TBL1XR1: variants seen among roughly 807,000 people sequenced by gnomAD.
The protein encoded by TBL1XR1 is TBL1X/Y related 1, also known as F-box-like/WD repeat-containing protein TBL1XR1.
Under a neutral mutation model 66.9 loss-of-function variants are expected in TBL1XR1, and 5 were observed. The ratio of observed to expected loss-of-function variants is 0.07; its 90% CI spans 0.04 to 0.16. TBL1XR1 has a LOEUF of 0.16. Ranked by LOEUF, TBL1XR1 falls within the 10% of genes least tolerant of loss-of-function variation. TBL1XR1 has a pLI of 1.00. For missense variants in TBL1XR1, 238 were observed against 623.2 expected, an observed-to-expected ratio of 0.38 and a Z score of 6.58; for synonymous variants, 210 against 206.0, an observed-to-expected ratio of 1.02 and a Z score of -0.17.
At chr3:177,071,751 G>C (rs1720045501) in intron 2 of TBL1XR1, among the ~76,000 whole-genome samples, 2 of 152,118 alleles carry the variant, frequency 1.3e-5, no homozygotes, top group Non-Finnish European at 2.9e-5. Flanking sequence ...CCAGCTACTA[G>C]TAAACCCAGA....
At chr3:177,054,147 A>T (rs1281548112) in intron 3 of TBL1XR1, among the ~76,000 whole-genome samples, 1 of 152,066 alleles carries the variant, frequency 6.6e-6, no homozygotes, top group Non-Finnish European at 1.5e-5. Context: ...ACTCTTTAAA[A>T]TTTCTAGTAA....
intron 1 of TBL1XR1, among the ~76,000 whole-genome samples, chr3:177,168,358 T>C (rs1300996361): frequency 2.6e-5 from 4 of 151,904 alleles, no homozygotes; most frequent in Admixed American, 1.3e-4. Context: ...CTCGGCTCAC[T>C]GCAACCTCCG....
chr3:177,133,747 CAA>C (rs1219499848), intron 1 of TBL1XR1, among the ~76,000 whole-genome samples: 7 of 151,570 alleles, frequency 4.6e-5, no homozygotes, highest in Non-Finnish European at 1.0e-4. Context: ...GCTAAAAATA[CAA>C]AAATTAGCTG....
At chr3:177,044,489 T>C (rs1408813254) in intron 10 of TBL1XR1, among the ~76,000 whole-genome samples, 1 of 152,144 alleles carries the variant, frequency 6.6e-6, no homozygotes, top group African/African-American at 2.4e-5. Context: ...AATCATACAA[T>C]GTAATCTAAT....
At chr3:177,084,600 C>A (rs1721896668) in intron 2 of TBL1XR1, among the ~76,000 whole-genome samples, 1 of 152,242 alleles carries the variant, frequency 6.6e-6, no homozygotes. Context: ...GGGTCAACCC[C>A]ATATTTTAGG....
At chr3:177,190,297 A>C (rs1243224965) in intron 1 of TBL1XR1, among the ~76,000 whole-genome samples, 1 of 152,138 alleles carries the variant, frequency 6.6e-6, no homozygotes, top group Non-Finnish European at 1.5e-5. Context: ...CCAGAATTAA[A>C]AGGGCAAAAC....
rs77709343 is a variant in TBL1XR1 at position 177,033,245 on chromosome 3, A to G, written c.1251-109T>C. 2,575 of 896,140 alleles carry G rather than the reference A, an allele frequency of 2.9e-3. 42 individuals are homozygous for G. The African/African-American group carries it at 0.037, about 13-fold the overall frequency. The allele number at this position is 896,140 out of a possible 1,614,324, so 55.5% of individuals were successfully genotyped here. ...CCAAATCTAATAGCCAAAATTCTTT[A>G]TGAGAAGCAGACCGACTGGACTGTT... On this transcript the variant is annotated intron_variant, in intron 13 of 15. Transcript: ENST00000457928.
intron 1 of TBL1XR1, among the ~76,000 whole-genome samples, chr3:177,184,818 A>T (rs1735222500): frequency 6.6e-6 from 1 of 151,754 alleles, no homozygotes; most frequent in South Asian, 2.1e-4. Flanking sequence ...AAAAAAAATC[A>T]TCACTGATTC....
chr3:177,067,086 G>A (rs557361765), intron 2 of TBL1XR1, among the ~76,000 whole-genome samples: 2 of 152,216 alleles, frequency 1.3e-5, no homozygotes, highest in South Asian at 4.1e-4. Flanking sequence ...CTCAACTTTA[G>A]CCTAACCACC....
chr3:177,128,664 G>A (rs55937580), intron 1 of TBL1XR1, among the ~76,000 whole-genome samples: 60,334 of 152,004 alleles, frequency 0.4, 12,147 homozygotes, highest in Middle Eastern at 0.48. Context: ...GTGAGCCACC[G>A]TGCCCAGCCT....
At chr3:177,089,057 T>C (rs1722506871) in intron 2 of TBL1XR1, among the ~76,000 whole-genome samples, 1 of 152,208 alleles carries the variant, frequency 6.6e-6, no homozygotes, top group African/African-American at 2.4e-5. Context: ...CACAACTCCT[T>C]GGGGTCTTGT....
intron 1 of TBL1XR1, among the ~76,000 whole-genome samples, chr3:177,196,787 G>A (rs975758471): frequency 2.0e-5 from 3 of 151,926 alleles, no homozygotes; most frequent in African/African-American, 7.3e-5. Context: ...ACGAAGGGAG[G>A]AAGAGGGGGA....
At chr3:177,094,891 G>GCAC (rs1455320933) in intron 2 of TBL1XR1, among the ~76,000 whole-genome samples, 1 of 151,864 alleles carries the variant, frequency 6.6e-6, no homozygotes, top group African/African-American at 2.4e-5. Flanking sequence ...GGTGATGAGT[G>GCAC]CACCAAAATC....
intron 3 of TBL1XR1, among the ~76,000 whole-genome samples, chr3:177,062,329 T>C (rs926245664): frequency 7.9e-5 from 12 of 152,236 alleles, no homozygotes; most frequent in African/African-American, 2.9e-4. Context: ...CAAGTTCTAA[T>C]TGTCCTACAA....
At chr3:177,152,791 C>A (rs1317958091) in intron 1 of TBL1XR1, among the ~76,000 whole-genome samples, 2 of 152,110 alleles carry the variant, frequency 1.3e-5, no homozygotes, top group Non-Finnish European at 2.9e-5. Context: ...CTTATTATTG[C>A]TTCTATCTCC....
At chr3:177,190,313 A>C (rs1577442614) in intron 1 of TBL1XR1, among the ~76,000 whole-genome samples, 3 of 152,018 alleles carry the variant, frequency 2.0e-5, no homozygotes, top group African/African-American at 4.8e-5. Flanking sequence ...AAAACCATCC[A>C]TTTTCTTTTT....
intron 1 of TBL1XR1, among the ~76,000 whole-genome samples, chr3:177,178,865 C>A (rs187216111): frequency 0.011 from 1,685 of 151,700 alleles, 21 homozygotes; most frequent in Middle Eastern, 0.031. Flanking sequence ...CGCCTGTAAC[C>A]CCAGCACTTT....
At chr3:177,045,768 G>A (rs760343362) in intron 10 of TBL1XR1, among the ~76,000 whole-genome samples, 1 of 152,018 alleles carries the variant, frequency 6.6e-6, no homozygotes, top group Non-Finnish European at 1.5e-5. Flanking sequence ...TTTACAGACA[G>A]TGAAAAGGAG....
chr3:177,153,319 A>C (rs897202504), intron 1 of TBL1XR1, among the ~76,000 whole-genome samples: 1 of 152,184 alleles, frequency 6.6e-6, no homozygotes, highest in South Asian at 2.1e-4. Flanking sequence ...AGCAGAAAGA[A>C]AACAGCAGAT....
Sources: allele counts gnomAD v4.1 joint callset (sites outside exome capture counted in the v4.1 genomes callset), GRCh38; gene constraint gnomAD v4.1.1; transcripts MANE v1.5; gene names NCBI Gene and HGNC (gene_info 2026-07-23, HGNC 2026-07-21).